The following VPS54 variants were observed in gnomAD, a reference collection of about 807,000 sequenced individuals.
VPS54 encodes vacuolar protein sorting-associated protein 54.
Under a neutral mutation model 121.5 loss-of-function variants are expected in VPS54, and 45 were observed. That is an observed-to-expected ratio of 0.37 (90% CI 0.29 to 0.47). VPS54 has a LOEUF of 0.47. Among genes scored for constraint, VPS54 ranks in the 20% least tolerant of loss-of-function variants. VPS54 has a pLI of 0.99. For missense variants in VPS54, 1,090 were observed against 1,131.4 expected, an observed-to-expected ratio of 0.96 and a Z score of 0.52; for synonymous variants, 371 against 385.8, an observed-to-expected ratio of 0.96 and a Z score of 0.45.
chr2:63,947,252 T>C (rs1314279610), intron 9 of VPS54, 131 bp downstream of exon 9: 1 of 867,770 alleles, frequency 1.2e-6, no homozygotes, highest in Non-Finnish European at 1.6e-6. Context: ...CTTTCATTTT[T>C]CTAAATTTTC....
intron 3 of VPS54, among the ~76,000 whole-genome samples, chr2:63,980,868 T>C (rs1413093439): frequency 6.6e-6 from 1 of 152,092 alleles, no homozygotes; most frequent in Non-Finnish European, 1.5e-5. Context: ...TAAGTGATTG[T>C]TAATATGGCA....
intron 3 of VPS54, among the ~76,000 whole-genome samples, chr2:63,979,528 A>C (rs886686950): frequency 7.9e-5 from 12 of 152,224 alleles, no homozygotes; most frequent in Admixed American, 6.5e-4. Context: ...GGCATGAGCC[A>C]CTGCACCCAG....
chr2:63,993,350 C>T (rs1428379926), intron 1 of VPS54, among the ~76,000 whole-genome samples: 3 of 152,174 alleles, frequency 2.0e-5, no homozygotes, highest in African/African-American at 4.8e-5. Flanking sequence ...ACTTTGACCC[C>T]TGAGGCTTCA....
chr2:63,933,961 T>C lies in VPS54; in HGVS notation c.1451A>G (p.Gln484Arg), dbSNP rs1402512947. Residue 484 changes from glutamine to arginine, a missense_variant, in exon 12 of 23, where the codon CAA becomes CGA. Physicochemically the swap from Gln to Arg is conservative, Grantham distance 43. Around this residue, in one of 2 missense-constraint regions of VPS54, gnomAD observed 801 missense variants for 757.0 expected, o/e 1.06. Coordinates refer to ENST00000272322, the MANE Select transcript of VPS54 (RefSeq NM_016516.3). ...AATCTCTTCCAATTCTCTAGTCCTT[T>C]GGTTTTTGTCAAGAACTGAGAGAAC... is the stretch of plus-strand genomic sequence containing the variant. ...SVVLSVLDKN[Q>R]RTRELEEISQ... is the part of the protein sequence containing the mutation. 1.9e-6 allele frequency: 3 copies of C among 1,613,510 alleles called. No homozygotes were observed. Among genetic ancestry groups the C allele is most frequent in the East Asian group, 2.2e-5 (1 of 44,868 alleles).
intron 8 of VPS54, among the ~76,000 whole-genome samples, chr2:63,948,397 T>C (rs1161536340): frequency 4.0e-5 from 6 of 149,192 alleles, no homozygotes; most frequent in African/African-American, 1.5e-4. Context: ...TACCATATGA[T>C]AATGATCACT....
At chr2:63,893,610 G>T in intron 22 of VPS54, 75 bp from the exon 23 acceptor site, 1 of 1,253,974 alleles carries the variant, frequency 8.0e-7, no homozygotes, top group Non-Finnish European at 1.1e-6. Flanking sequence ...AGTGCTCACC[G>T]AGTCAGAGTC....
At chr2:63,958,550 C>T (rs867664036) in intron 7 of VPS54, among the ~76,000 whole-genome samples, 1 of 152,036 alleles carries the variant, frequency 6.6e-6, no homozygotes, top group Non-Finnish European at 1.5e-5. Context: ...CTTATCTCTA[C>T]AAAAAAATTT....
At chr2:63,984,385 A>C (rs999141503) in intron 1 of VPS54, among the ~76,000 whole-genome samples, 1 of 152,218 alleles carries the variant, frequency 6.6e-6, no homozygotes, top group African/African-American at 2.4e-5. Flanking sequence ...GCTTAGGTCC[A>C]TCTATGTTTA....
intron 1 of VPS54, among the ~76,000 whole-genome samples, chr2:64,001,918 T>C (rs1677900818): frequency 6.6e-6 from 1 of 152,172 alleles, no homozygotes; most frequent in Non-Finnish European, 1.5e-5. Context: ...CCGAGCCCAG[T>C]TCAGCACTAG....
chr2:63,946,516 G>C (rs1013175583), intron 9 of VPS54, among the ~76,000 whole-genome samples: 3 of 152,076 alleles, frequency 2.0e-5, no homozygotes, highest in Non-Finnish European at 4.4e-5. Context: ...GTGCTTGAAA[G>C]AGGGGATGAT....
At chr2:63,947,900 G>A (rs1184153109) in intron 8 of VPS54, among the ~76,000 whole-genome samples, 2 of 152,048 alleles carry the variant, frequency 1.3e-5, no homozygotes, top group Non-Finnish European at 2.9e-5. Context: ...GTAGTGAGGT[G>A]ATTACAGCTC....
At chr2:64,013,874 A>AT (rs2104711597) in intron 1 of VPS54, among the ~76,000 whole-genome samples, 1 of 151,806 alleles carries the variant, frequency 6.6e-6, no homozygotes, top group African/African-American at 2.4e-5. Flanking sequence ...TATGATTCTG[A>AT]AAGAAAGGTG....
At chr2:63,993,145 A>G (rs993110037) in intron 1 of VPS54, among the ~76,000 whole-genome samples, 2 of 152,240 alleles carry the variant, frequency 1.3e-5, no homozygotes, top group African/African-American at 4.8e-5. Flanking sequence ...CTCCTGTTCA[A>G]TATTTAGGAA....
intron 1 of VPS54, among the ~76,000 whole-genome samples, chr2:63,987,712 A>AT (rs1677120505): frequency 6.6e-6 from 1 of 152,144 alleles, no homozygotes; most frequent in Non-Finnish European, 1.5e-5. Context: ...TTGAACCAAC[A>AT]TTTTATAGCT....
chr2:64,006,948 C>T (rs1305150845), intron 1 of VPS54, among the ~76,000 whole-genome samples: 1 of 152,176 alleles, frequency 6.6e-6, no homozygotes, highest in Admixed American at 6.5e-5. Context: ...GGTCAGCAAA[C>T]ATTAACATTT....
At chr2:63,938,572 C>T (rs1294379403) in intron 11 of VPS54, among the ~76,000 whole-genome samples, 1 of 152,190 alleles carries the variant, frequency 6.6e-6, no homozygotes, top group Non-Finnish European at 1.5e-5. Context: ...TCAAGCGATT[C>T]TCCTGCCTCA....
At chr2:63,959,066 C>G (rs1467390558) in intron 7 of VPS54, among the ~76,000 whole-genome samples, 1 of 152,138 alleles carries the variant, frequency 6.6e-6, no homozygotes, top group East Asian at 1.9e-4. Context: ...ACATATTGTA[C>G]TGGATAAAAA....
At chr2:64,012,869 AG>A (rs992389931) in intron 1 of VPS54, among the ~76,000 whole-genome samples, 7 of 152,294 alleles carry the variant, frequency 4.6e-5, no homozygotes, top group Admixed American at 6.5e-5. Context: ...AGAAAAGGTT[AG>A]GAATGACCTG....
intron 3 of VPS54, among the ~76,000 whole-genome samples, chr2:63,974,096 G>T (rs1676409576): frequency 1.3e-5 from 2 of 152,114 alleles, no homozygotes; most frequent in Admixed American, 1.3e-4. Context: ...TTACATTAAG[G>T]TCTATCATCA....
Sources: allele counts gnomAD v4.1 joint callset (sites outside exome capture counted in the v4.1 genomes callset), GRCh38; gene constraint gnomAD v4.1.1; regional missense constraint gnomAD v4.1.1; transcripts MANE v1.5; gene names NCBI Gene and HGNC (gene_info 2026-07-23, HGNC 2026-07-21).